Variants in LPCAT2 observed in about 807,000 individuals in gnomAD.
LPCAT2 encodes 1-AGP acyltransferase 11.
LPCAT2 carries 58 observed loss-of-function variants against 64.7 expected under a neutral mutation model. The observed-to-expected ratio is 0.90, with a 90% CI of 0.73 to 1.12. The LOEUF (loss-of-function observed/expected upper bound fraction) is 1.12. Among genes scored for constraint, LPCAT2 ranks in the 50% most tolerant of loss-of-function variants. The pLI is 0.00. For synonymous variants in LPCAT2, 252 were observed against 245.3 expected, an observed-to-expected ratio of 1.03 and a Z score of -0.26; for missense variants, 579 against 669.8, an observed-to-expected ratio of 0.86 and a Z score of 1.50.
intron 11 of LPCAT2, among the ~76,000 whole-genome samples, chr16:55,571,517 T>G (rs931167823): frequency 2.6e-5 from 4 of 152,172 alleles, no homozygotes; most frequent in Admixed American, 2.6e-4. Flanking sequence ...TAGTTCTAAC[T>G]CTGGACTTCT....
intron 9 of LPCAT2, among the ~76,000 whole-genome samples, chr16:55,549,031 A>G (rs1175580803): frequency 6.6e-6 from 1 of 152,190 alleles, no homozygotes; most frequent in East Asian, 1.9e-4. Context: ...GTTAAAACAC[A>G]AAGCAAATAT....
intron 1 of LPCAT2, among the ~76,000 whole-genome samples, chr16:55,509,968 C>A (rs1962904358): frequency 7.3e-6 from 1 of 136,828 alleles, no homozygotes; most frequent in African/African-American, 2.7e-5. Flanking sequence ...AGATCTACTA[C>A]GGGAGAGTAG....
Position 55,574,616 on chromosome 16 carries a change from C to T in LPCAT2, c.1216-15C>T, listed in dbSNP as rs375395361. 117 of 1,580,982 alleles carry T rather than the reference C, an allele frequency of 7.4e-5. No individual in the cohort carries two copies. The African/African-American group carries it at 1.5e-3, about 20-fold the overall frequency. ...CTAGTGGCCCTCCTAATTGATTTAT[C>T]CCATCCTTTCACAGAACCATGATGG... On this transcript the variant is annotated splice_polypyrimidine_tract_variant and intron_variant, in intron 11 of 13. Transcript: ENST00000262134.
intron 9 of LPCAT2, 31 bp downstream of exon 9, chr16:55,545,848 A>T: frequency 6.6e-7 from 1 of 1,507,096 alleles, no homozygotes; most frequent in Non-Finnish European, 9.1e-7. Context: ...ATAACTCATA[A>T]ATAATTTGAA....
intron 7 of LPCAT2, 40 bp downstream of exon 7, chr16:55,534,517 A>G: frequency 1.0e-6 from 1 of 969,542 alleles, no homozygotes; most frequent in East Asian, 2.7e-5. Flanking sequence ...TATAAATTTT[A>G]TTTTAGTGAA....
chr16:55,556,648 T>TGAGGCAGGAGAATGGTGTG (rs1963579468), intron 11 of LPCAT2, among the ~76,000 whole-genome samples: 2 of 152,038 alleles, frequency 1.3e-5, no homozygotes, highest in African/African-American at 2.4e-5. Context: ...GCGTGGTGGC[T>TGAGGCAGGAGAATGGTGTG]GAGGCAGGAG....
intron 3 of LPCAT2, 42 bp from the exon 4 acceptor site, chr16:55,529,793 G>T: frequency 1.6e-6 from 2 of 1,269,948 alleles, no homozygotes; most frequent in Non-Finnish European, 2.2e-6. Flanking sequence ...GGTTGCTTTA[G>T]CCAAAAAATG....
At chr16:55,513,488 A>G (rs1391206212) in intron 1 of LPCAT2, among the ~76,000 whole-genome samples, 1 of 150,372 alleles carries the variant, frequency 6.7e-6, no homozygotes, top group African/African-American at 2.4e-5. Context: ...GGCCTCTGAA[A>G]ATTATCTTCT....
At chr16:55,513,321 T>C (rs1962960123) in intron 1 of LPCAT2, among the ~76,000 whole-genome samples, 1 of 152,056 alleles carries the variant, frequency 6.6e-6, no homozygotes, top group Admixed American at 6.6e-5. Context: ...AACTGTTATA[T>C]CTGAAATGAA....
At chr16:55,519,820 T>G (rs1963069362) in intron 1 of LPCAT2, among the ~76,000 whole-genome samples, 1 of 152,174 alleles carries the variant, frequency 6.6e-6, no homozygotes, top group Admixed American at 6.5e-5. Context: ...AGTGGTACAG[T>G]ATTAACTCTG....
At chr16:55,554,787 A>G (rs1963556061) in intron 11 of LPCAT2, among the ~76,000 whole-genome samples, 1 of 152,162 alleles carries the variant, frequency 6.6e-6, no homozygotes, top group Non-Finnish European at 1.5e-5. Context: ...GAAATATGCA[A>G]CCATTTATTT....
intron 8 of LPCAT2, chr16:55,539,529 C>G (rs975122272): frequency 2.0e-5 from 3 of 152,180 alleles, no homozygotes; most frequent in Non-Finnish European, 2.9e-5. Flanking sequence ...TTATGACTCC[C>G]CCTTTCACCC....
At chr16:55,550,919 A>G in intron 10 of LPCAT2, 30 bp from the exon 11 acceptor site, 1 of 1,517,398 alleles carries the variant, frequency 6.6e-7, no homozygotes, top group Non-Finnish European at 8.9e-7. Context: ...AGGGCTAATA[A>G]CATGTATCTA....
intron 8 of LPCAT2, chr16:55,545,400 G>A (rs147102678): frequency 5.2e-6 from 1 of 192,424 alleles, no homozygotes; most frequent in Non-Finnish European, 1.1e-5. Context: ...TGCAGCTCGA[G>A]GAGAAAGATC....
Position 55,509,991 on chromosome 16 carries a change from C to CTTTTTTTTTTTTTTTTTTTTTTTT in LPCAT2, c.171+656_171+657insTTTTTTTTTTTTTTTTTTTTTTTT, listed in dbSNP as rs57496150. Among the ~76,000 whole-genome samples, 24 of 102,540 alleles carry CTTTTTTTTTTTTTTTTTTTTTTTT rather than the reference C, an allele frequency of 2.3e-4. 1 individual carries two copies. Among genetic ancestry groups the CTTTTTTTTTTTTTTTTTTTTTTTT allele is most frequent in the African/African-American group, 8.8e-4 (24 of 27,210 alleles). 67.3% of individuals were successfully genotyped at this position (102,540 alleles called of 152,430 possible). On this transcript the variant is annotated intron_variant, in intron 1 of 13. Transcript: ENST00000262134. ...TACGGGAGAGTAGATTTGAAGAAGT[C>CTTTTTTTTTTTTTTTTTTTTTTTT]TTTTTTTTTTTTTTTTTGCCTTAGG...
intron 1 of LPCAT2, among the ~76,000 whole-genome samples, chr16:55,510,864 C>T (rs1192515487): frequency 6.6e-6 from 1 of 152,098 alleles, no homozygotes; most frequent in East Asian, 1.9e-4. Context: ...ATCTATTTGA[C>T]TTCATATTTT....
rs187321995 is a variant in LPCAT2 at position 55,521,231 on chromosome 16, G to A, written c.172-4277G>A. On this transcript the variant is annotated intron_variant, in intron 1 of 13. Transcript: ENST00000262134. Reference sequence around the variant, plus strand: ...ACAACTTTATGCCAGTAAATTTGAAGCATACATGAAATGGACAAAAATCCA... The same window carrying A: ...ACAACTTTATGCCAGTAAATTTGAAACATACATGAAATGGACAAAAATCCA... Among the ~76,000 whole-genome samples, 517 of 151,830 alleles carry A rather than the reference G, an allele frequency of 3.4e-3. 4 individuals are homozygous for A. The highest frequency in any genetic ancestry group is 7.7e-3 in the South Asian group (37 of 4,814).
At chr16:55,512,118 C>T (rs1203854414) in intron 1 of LPCAT2, among the ~76,000 whole-genome samples, 1 of 152,154 alleles carries the variant, frequency 6.6e-6, no homozygotes, top group African/African-American at 2.4e-5. Context: ...TCCAAGATCC[C>T]TTCTATATTA....
chr16:55,521,573 T>A (rs1212183816), intron 1 of LPCAT2, among the ~76,000 whole-genome samples: 4 of 151,606 alleles, frequency 2.6e-5, no homozygotes, highest in Non-Finnish European at 4.4e-5. Flanking sequence ...CTAAAAGAAC[T>A]CTTAACAAAA....
Sources: allele counts gnomAD v4.1 joint callset (sites outside exome capture counted in the v4.1 genomes callset), GRCh38; gene constraint gnomAD v4.1.1; transcripts MANE v1.5; gene names NCBI Gene and HGNC (gene_info 2026-07-23, HGNC 2026-07-21).